The following USP13 variants were observed in gnomAD, a reference collection of about 807,000 sequenced individuals.
USP13 encodes ubiquitin specific peptidase 13, also known as ubiquitin carboxyl-terminal hydrolase 13.
A neutral mutation model predicts 107.8 loss-of-function variants in USP13; 68 were observed. The observed-to-expected ratio is 0.63, with a 90% confidence interval of 0.52 to 0.77. The LOEUF is 0.77. Among genes scored for constraint, USP13 ranks in the 30% least tolerant of loss-of-function variants. The probability of loss-of-function intolerance (pLI) is 0.00; values close to 1 mark genes in which losing one functional copy is unlikely to be tolerated. For missense variants in USP13, 945 were observed against 1,093.3 expected (o/e 0.86, Z 1.91); for synonymous variants, 377 against 389.5 (o/e 0.97, Z 0.38).
chr3:179,752,446 C>A, intron 14 of USP13, 73 bp downstream of exon 14: 1 of 1,143,730 alleles, frequency 8.7e-7, no homozygotes, highest in Non-Finnish European at 1.3e-6. Flanking sequence ...GTGAAAGAGC[C>A]CATGTAGTTG....
intron 1 of USP13, among the ~76,000 whole-genome samples, chr3:179,659,623 C>T (rs553725627): frequency 7.6e-4 from 115 of 152,156 alleles, no homozygotes; most frequent in Middle Eastern, 3.2e-3. Context: ...ATCACAACAA[C>T]CCTATGTTAT....
At position 179,786,416 on chromosome 3, in the gene USP13, A is replaced by G. The variant is rs1715916496; in HGVS notation, c.*2275A>G. ...TTTAAAAATCAGTGATGTAAAATCA[A>G]TATTTAAGACTATAGGCTATAAATT... On this transcript the variant is annotated 3_prime_UTR_variant, in exon 21 of 21. Coordinates refer to ENST00000263966, the MANE Select transcript of USP13 (RefSeq NM_003940.3). The G allele has an allele frequency of 1.3e-5, 2 of 152,270 alleles. No individual in the cohort carries two copies. The highest frequency in any genetic ancestry group is 6.5e-5 in the Admixed American group (1 of 15,290). The allele number at this position is 152,270 out of a possible 1,614,324, so 9.4% of individuals were successfully genotyped here.
chr3:179,653,151 T>TGGC lies in USP13; in HGVS notation c.-73_-71dup, dbSNP rs1720133495. ...GCAGCCCGCCCGTCAGCCCGCTCGC[T>TGGC]GGCGCCGCCGCCGCCGGCAGACCCC... On this transcript the variant is annotated 5_prime_UTR_variant, in exon 1 of 21. Coordinates refer to ENST00000263966, the MANE Select transcript of USP13 (RefSeq NM_003940.3). This position sits in a 1 kb window ranked among gnomAD's most constrained non-coding sequence, Gnocchi z 4.0. 1.6e-5 allele frequency: 17 copies of TGGC among 1,052,626 alleles called. No individual in the cohort carries two copies. Among genetic ancestry groups the TGGC allele is most frequent in the Non-Finnish European group, 1.8e-5 (16 of 874,298 alleles). 65.2% of individuals were successfully genotyped at this position (1,052,626 alleles called of 1,614,324 possible). A position where few individuals can be genotyped will look rare whatever the true frequency, so the allele number is the denominator to read the frequency against.
intron 19 of USP13, among the ~76,000 whole-genome samples, chr3:179,779,886 G>A (rs1715686163): frequency 6.6e-6 from 1 of 152,190 alleles, no homozygotes; most frequent in Admixed American, 6.5e-5. Flanking sequence ...GGGGCTACAA[G>A]TGGAGATTGT....
At chr3:179,765,646 C>CCTGA in intron 18 of USP13, 49 bp from the exon 19 acceptor site, 5 of 1,598,538 alleles carry the variant, frequency 3.1e-6, no homozygotes, top group Non-Finnish European at 2.6e-6. Context: ...CATAGTGAGG[C>CCTGA]CTGAGGCTGC....
intron 1 of USP13, among the ~76,000 whole-genome samples, chr3:179,661,250 A>C (rs967565107): frequency 6.6e-6 from 1 of 152,232 alleles, no homozygotes; most frequent in African/African-American, 2.4e-5. Context: ...TTAGGCAAGA[A>C]GATATAACCA....
intron 2 of USP13, among the ~76,000 whole-genome samples, chr3:179,688,885 C>T (rs201620362): frequency 2.6e-5 from 4 of 152,166 alleles, no homozygotes; most frequent in Admixed American, 1.3e-4. Flanking sequence ...AATAGAGGAG[C>T]GACTCTAAGA....
intron 2 of USP13, among the ~76,000 whole-genome samples, chr3:179,683,779 ATTTTTATTTAAG>A (rs1371612611): frequency 6.6e-6 from 1 of 152,132 alleles, no homozygotes; most frequent in Non-Finnish European, 1.5e-5. Flanking sequence ...TTGTTTTTAA[ATTTTTATTTAAG>A]TGTGTGTGAA....
Position 179,742,456 on chromosome 3 carries a change from G to A in USP13, c.1534+106G>A. On this transcript the variant is annotated intron_variant, in intron 12 of 20. Coordinates refer to ENST00000263966, the MANE Select transcript of USP13 (RefSeq NM_003940.3). The surrounding 1 kb of genome is among the most constrained non-coding windows in gnomAD (Gnocchi z 5.0). ...CTGAAGTGTGTCAGGAGTAGACCCA[G>A]CCCAGGTGATGTCTGCTTTGCACAT... 3 of 1,393,332 alleles carry A rather than the reference G, an allele frequency of 2.2e-6. No individual in the cohort carries two copies. Among genetic ancestry groups the A allele is most frequent in the Non-Finnish European group, 3.0e-6 (3 of 1,014,360 alleles). The allele number at this position is 1,393,332 out of a possible 1,614,324, so 86.3% of individuals were successfully genotyped here.
chr3:179,657,484 C>T (rs59744947), intron 1 of USP13, among the ~76,000 whole-genome samples: 19,014 of 151,804 alleles, frequency 0.13, 1,833 homozygotes, highest in African/African-American at 0.26. Context: ...CAGTCATGGC[C>T]GGGTGCTGTG....
At chr3:179,759,746 C>T (rs1427425702) in intron 16 of USP13, among the ~76,000 whole-genome samples, 2 of 152,062 alleles carry the variant, frequency 1.3e-5, no homozygotes, top group African/African-American at 4.8e-5. Context: ...CGATCTCAGC[C>T]CACTGCAACC....
rs993088155 is a variant in USP13, at chr3:179,653,589, T to C, written c.168+196T>C. ...GCAGCCGAGGACTGGCTCGTGCTGG[T>C]GGTTTTGCTCCGCCAGCCTCCCCAG... On this transcript the variant is annotated intron_variant, in intron 1 of 20. Coordinates refer to ENST00000263966, the MANE Select transcript of USP13 (RefSeq NM_003940.3). The surrounding 1 kb of genome is among the most constrained non-coding windows in gnomAD (Gnocchi z 4.0). 1.3e-6 allele frequency: 1 copy of C among 764,480 alleles called. No individual in the cohort carries two copies. The highest frequency in any genetic ancestry group is 2.0e-6 in the Non-Finnish European group (1 of 504,742). 47.4% of individuals were successfully genotyped at this position (764,480 alleles called of 1,614,324 possible).
intron 3 of USP13, among the ~76,000 whole-genome samples, chr3:179,691,285 G>C (rs1576928650): frequency 6.6e-6 from 1 of 151,954 alleles, no homozygotes; most frequent in East Asian, 1.9e-4. Context: ...TTTGTTACAA[G>C]ATATGATCCA....
intron 11 of USP13, among the ~76,000 whole-genome samples, chr3:179,740,825 G>A (rs1043379102): frequency 6.6e-6 from 1 of 151,008 alleles, no homozygotes; most frequent in South Asian, 2.1e-4. Context: ...AGAGTGCAGT[G>A]GCACAATCTT....
At chr3:179,694,086 A>C (rs1333650022) in intron 3 of USP13, among the ~76,000 whole-genome samples, 1 of 145,774 alleles carries the variant, frequency 6.9e-6, no homozygotes, top group Non-Finnish European at 1.5e-5. Flanking sequence ...TGAACCTCCC[A>C]CCTCAGCCTC....
chr3:179,723,876 G>A (rs1053227458), intron 8 of USP13, among the ~76,000 whole-genome samples: 9 of 152,108 alleles, frequency 5.9e-5, no homozygotes, highest in African/African-American at 1.9e-4. Flanking sequence ...CTCAGGGCCT[G>A]GCATGGTGGC....
rs1553797370 is a variant in USP13, at chr3:179,750,326, G to GTGTGTATATA, written c.1710-1958_1710-1957insGTGTATATAT. ...TGTGTATATATATATATATATGTGT[G>GTGTGTATATA]TATATATATATATATATATGTATAT... On this transcript the variant is annotated intron_variant, in intron 13 of 20. Transcript: ENST00000263966. Among the ~76,000 whole-genome samples the GTGTGTATATA allele has an allele frequency of 4.9e-3, 369 of 75,822 alleles. 1 individual carries two copies. Among genetic ancestry groups the GTGTGTATATA allele is most frequent in the African/African-American group, 0.014 (349 of 25,708 alleles). 49.7% of individuals were successfully genotyped at this position (75,822 alleles called of 152,430 possible).
chr3:179,700,647 C>G (rs1712484236), intron 3 of USP13, among the ~76,000 whole-genome samples: 3 of 152,150 alleles, frequency 2.0e-5, no homozygotes, highest in Non-Finnish European at 4.4e-5. Flanking sequence ...AACCAGGTAC[C>G]TGACACATCG....
At chr3:179,689,530 C>T (rs1384957096) in intron 2 of USP13, among the ~76,000 whole-genome samples, 11 of 151,708 alleles carry the variant, frequency 7.3e-5, no homozygotes, top group East Asian at 1.9e-4. Context: ...TGGTGGCAGC[C>T]GCTTGTAATC....
Sources: allele counts gnomAD v4.1 joint callset (sites outside exome capture counted in the v4.1 genomes callset), GRCh38; gene constraint gnomAD v4.1.1; non-coding constraint Gnocchi (gnomAD v3.1); transcripts MANE v1.5; gene names NCBI Gene and HGNC (gene_info 2026-07-23, HGNC 2026-07-21).